The following ZNF618 variants were observed in gnomAD, a reference collection of about 807,000 sequenced individuals.
The protein encoded by ZNF618 is zinc finger protein 618.
ZNF618 carries 34 observed loss-of-function variants against 103.0 expected under a neutral mutation model. That is an observed-to-expected ratio of 0.33 (90% CI 0.25 to 0.44). The LOEUF is 0.44. ZNF618 is among the 20% of genes least tolerant of loss of function. ZNF618 has a pLI of 1.00. For synonymous variants in ZNF618, 551 were observed against 542.2 expected, an observed-to-expected ratio of 1.02 and a Z score of -0.23; for missense variants, 1,059 against 1,295.4, an observed-to-expected ratio of 0.82 and a Z score of 2.80.
At chr9:113,996,943 C>T (rs978961197) in intron 3 of ZNF618, among the ~76,000 whole-genome samples, 1 of 152,216 alleles carries the variant, frequency 6.6e-6, no homozygotes, top group Non-Finnish European at 1.5e-5. Flanking sequence ...TCCTTGCCAG[C>T]CACTAGCCAA....
chr9:113,967,348 A>G (rs1013144453), intron 1 of ZNF618, among the ~76,000 whole-genome samples: 3 of 152,248 alleles, frequency 2.0e-5, no homozygotes, highest in Non-Finnish European at 4.4e-5. Context: ...GTGAAATGAT[A>G]TGCAAACCAT....
chr9:114,014,283 A>G (rs1188277562), intron 9 of ZNF618, among the ~76,000 whole-genome samples: 1 of 152,228 alleles, frequency 6.6e-6, no homozygotes, highest in Non-Finnish European at 1.5e-5. Context: ...AAAATAATCC[A>G]GTTATTAATG....
intron 2 of ZNF618, among the ~76,000 whole-genome samples, chr9:113,987,844 A>T (rs1258063366): frequency 6.6e-6 from 1 of 152,178 alleles, no homozygotes; most frequent in Admixed American, 6.5e-5. Context: ...AAAGGAAAAG[A>T]AATGCAGAAT....
chr9:114,020,711 A>G (rs1191680146), intron 10 of ZNF618, among the ~76,000 whole-genome samples: 2 of 151,710 alleles, frequency 1.3e-5, no homozygotes, highest in Non-Finnish European at 2.9e-5. Context: ...ATTTTTTTGG[A>G]TTTTCTTTTG....
chr9:113,954,284 T>C (rs538490612), intron 1 of ZNF618, among the ~76,000 whole-genome samples: 240 of 152,270 alleles, frequency 1.6e-3, no homozygotes, highest in African/African-American at 5.6e-3. Flanking sequence ...GGTCAAGGGA[T>C]GCTTCTAGAG....
At chr9:114,009,549 G>T (rs867097088) in intron 9 of ZNF618, among the ~76,000 whole-genome samples, 3 of 152,266 alleles carry the variant, frequency 2.0e-5, no homozygotes, top group Middle Eastern at 3.4e-3. Flanking sequence ...AAGTGAGTGA[G>T]ACTTGTCCTT....
At chr9:113,996,255 C>T (rs190829272) in intron 3 of ZNF618, among the ~76,000 whole-genome samples, 1 of 152,190 alleles carries the variant, frequency 6.6e-6, no homozygotes, top group Non-Finnish European at 1.5e-5. Flanking sequence ...CACTCCTGAA[C>T]ATTTGTTCTC....
At chr9:113,902,367 A>C (rs1234008249) in intron 1 of ZNF618, among the ~76,000 whole-genome samples, 1 of 152,296 alleles carries the variant, frequency 6.6e-6, no homozygotes, top group East Asian at 1.9e-4. Context: ...TTTAAAAGTC[A>C]TGTGCCACAA....
intron 2 of ZNF618, among the ~76,000 whole-genome samples, chr9:113,971,641 C>G (rs745811317): frequency 6.6e-6 from 1 of 152,222 alleles, no homozygotes; most frequent in South Asian, 2.1e-4. Flanking sequence ...ATGAATCTCT[C>G]CTACACGAGT....
chr9:113,939,132 G>A (rs972166887), intron 1 of ZNF618, among the ~76,000 whole-genome samples: 1 of 152,026 alleles, frequency 6.6e-6, no homozygotes, highest in African/African-American at 2.4e-5. Context: ...AAATAATATG[G>A]TAGTGATATT....
Position 114,049,423 on chromosome 9 carries a change from C to A in ZNF618, c.2121C>A (p.Arg707=). ...ACTCACTGTTGCTGGTGCATGAGCG[C>A]TATGAGCAGATCTGCGAGTTCTACA... is the stretch of plus-strand genomic sequence containing the variant. ...VTDSLLLVHE[R]YEQICEFYSR... The change falls in exon 15 of 15, where the codon CGC becomes CGA. Residue 707 remains arginine (R), a synonymous_variant. Transcript: ENST00000374126. The A allele has an allele frequency of 6.2e-7, 1 of 1,604,276 alleles. No individual in the cohort carries two copies. Among genetic ancestry groups the A allele is most frequent in the Non-Finnish European group, 8.5e-7 (1 of 1,175,604 alleles).
rs572585909 is a variant in ZNF618 at position 113,999,069 on chromosome 9, C to T, written c.433+715C>T. Among the ~76,000 whole-genome samples the T allele has an allele frequency of 2.6e-5, 4 of 152,350 alleles. No homozygotes were observed. In the South Asian group the frequency reaches 8.3e-4, roughly 32 times the overall value. On this transcript the variant is annotated intron_variant, in intron 4 of 14. Transcript: ENST00000374126. ...GGGATGTGGTGAGCCAGGGTTTGCA[C>T]CCAGGTTTGCTGGCATCACTGCACT...
chr9:113,927,454 G>T (rs1368546891), intron 1 of ZNF618, among the ~76,000 whole-genome samples: 1 of 152,230 alleles, frequency 6.6e-6, no homozygotes, highest in Admixed American at 6.5e-5. Context: ...CAGGAGTCCT[G>T]TTGATGTGGT....
chr9:114,043,140 T>C (rs567750630), intron 13 of ZNF618, among the ~76,000 whole-genome samples: 1 of 152,380 alleles, frequency 6.6e-6, no homozygotes, highest in Admixed American at 6.5e-5. Flanking sequence ...TGATGGTCAT[T>C]TAGATCTCCA....
At chr9:114,036,112 A>G (rs774803477) in intron 12 of ZNF618, among the ~76,000 whole-genome samples, 188 bp from the exon 13 acceptor site, 2 of 152,180 alleles carry the variant, frequency 1.3e-5, no homozygotes, top group Admixed American at 6.5e-5. Context: ...TCCTCTCTCC[A>G]TCATTCCTTC....
intron 13 of ZNF618, among the ~76,000 whole-genome samples, chr9:114,042,973 A>G (rs1036907758): frequency 6.6e-6 from 1 of 152,220 alleles, no homozygotes; most frequent in Non-Finnish European, 1.5e-5. Context: ...TTTATTATAT[A>G]TGGAGTTCTA....
chr9:113,992,462 G>T (rs778052860), intron 3 of ZNF618, among the ~76,000 whole-genome samples: 3 of 152,138 alleles, frequency 2.0e-5, no homozygotes. Flanking sequence ...GTTAGAGCTT[G>T]CTTTTAAGTG....
intron 10 of ZNF618, among the ~76,000 whole-genome samples, chr9:114,017,093 T>C (rs1015701781): frequency 6.6e-6 from 1 of 152,108 alleles, no homozygotes; most frequent in African/African-American, 2.4e-5. Flanking sequence ...GGCCCTCTTC[T>C]AGGTACCGCT....
intron 1 of ZNF618, among the ~76,000 whole-genome samples, chr9:113,902,632 G>T (rs568952198): frequency 6.6e-6 from 1 of 152,188 alleles, no homozygotes; most frequent in East Asian, 1.9e-4. Context: ...TCTCACTTTT[G>T]TGCCTCTGCT....
Sources: allele counts gnomAD v4.1 joint callset (sites outside exome capture counted in the v4.1 genomes callset), GRCh38; gene constraint gnomAD v4.1.1; transcripts MANE v1.5; gene names NCBI Gene and HGNC (gene_info 2026-07-23, HGNC 2026-07-21).